PDZRN3: variants seen among roughly 807,000 people sequenced by gnomAD.
The protein encoded by PDZRN3 is PDZ domain containing ring finger 3.
A neutral mutation model predicts 85.7 loss-of-function variants in PDZRN3; 38 were observed. That is an observed-to-expected ratio of 0.44 (90% CI 0.34 to 0.58). PDZRN3 has a LOEUF of 0.58. Among genes scored for constraint, PDZRN3 ranks in the 20% least tolerant of loss-of-function variants. PDZRN3 has a pLI of 0.01. For synonymous variants in PDZRN3, 759 were observed against 638.0 expected, an observed-to-expected ratio of 1.19 and a Z score of -2.86; for missense variants, 1,629 against 1,506.4, an observed-to-expected ratio of 1.08 and a Z score of -1.35.
intron 3 of PDZRN3, among the ~76,000 whole-genome samples, chr3:73,486,434 T>C (rs898211554): frequency 2.6e-5 from 4 of 152,050 alleles, no homozygotes; most frequent in African/African-American, 9.7e-5. Flanking sequence ...TTATGATTCT[T>C]AAAAGCCTGA....
intron 3 of PDZRN3, among the ~76,000 whole-genome samples, chr3:73,465,287 T>C (rs1559693955): frequency 6.6e-6 from 1 of 152,354 alleles, no homozygotes; most frequent in East Asian, 1.9e-4. Flanking sequence ...GTTTTAGTTT[T>C]TGCATTTTGA....
intron 3 of PDZRN3, among the ~76,000 whole-genome samples, chr3:73,428,373 A>C (rs147859448): frequency 2.2e-4 from 34 of 152,288 alleles, no homozygotes; most frequent in African/African-American, 7.7e-4. Context: ...TTCTCTTTCT[A>C]AATTCCTGAT....
At chr3:73,389,549 G>A (rs1470822347) in intron 7 of PDZRN3, among the ~76,000 whole-genome samples, 1 of 152,028 alleles carries the variant, frequency 6.6e-6, no homozygotes, top group Non-Finnish European at 1.5e-5. Context: ...AACAAAATAA[G>A]GAGAACTGGC....
chr3:73,411,812 C>T (rs577496166), intron 3 of PDZRN3, among the ~76,000 whole-genome samples: 10 of 152,290 alleles, frequency 6.6e-5, no homozygotes, highest in African/African-American at 1.2e-4. Flanking sequence ...TATGAGTGTC[C>T]GGAATACTTC....
chr3:73,577,136 T>G (rs954574936), intron 3 of PDZRN3, among the ~76,000 whole-genome samples: 3 of 152,202 alleles, frequency 2.0e-5, no homozygotes, highest in Non-Finnish European at 4.4e-5. Context: ...GCAAAGAGGG[T>G]TTTTCCCAGC....
intron 3 of PDZRN3, among the ~76,000 whole-genome samples, chr3:73,473,738 C>T (rs189802579): frequency 2.6e-5 from 4 of 152,288 alleles, no homozygotes; most frequent in East Asian, 3.9e-4. Context: ...AGCAGACCCA[C>T]GTGGTGAGGA....
intron 3 of PDZRN3, among the ~76,000 whole-genome samples, chr3:73,574,739 T>A (rs1194632101): frequency 6.6e-6 from 1 of 152,236 alleles, no homozygotes; most frequent in Non-Finnish European, 1.5e-5. Flanking sequence ...CAAGCACTTT[T>A]AATACAGCAA....
intron 3 of PDZRN3, among the ~76,000 whole-genome samples, chr3:73,559,903 T>C (rs1041010985): frequency 2.4e-4 from 36 of 152,216 alleles, no homozygotes; most frequent in African/African-American, 8.4e-4. Context: ...GAGTCAATAT[T>C]TACATTCCCA....
At chr3:73,603,458 C>A (rs1024578905) in intron 2 of PDZRN3, among the ~76,000 whole-genome samples, 2 of 152,096 alleles carry the variant, frequency 1.3e-5, no homozygotes, top group Non-Finnish European at 2.9e-5. Flanking sequence ...TCCAAGTGTA[C>A]GGATTAAATT....
At chr3:73,531,792 T>C (rs927574864) in intron 3 of PDZRN3, among the ~76,000 whole-genome samples, 2 of 152,180 alleles carry the variant, frequency 1.3e-5, no homozygotes, top group African/African-American at 4.8e-5. Context: ...GTGTCATCAA[T>C]ACTTTAGCTG....
intron 1 of PDZRN3, among the ~76,000 whole-genome samples, chr3:73,617,437 A>T (rs1242704117): frequency 6.6e-6 from 1 of 152,222 alleles, no homozygotes; most frequent in Non-Finnish European, 1.5e-5. Context: ...TGGGTGAGCA[A>T]AGAATAGTAA....
At chr3:73,388,582 C>CTTGA (rs1325597066) in intron 7 of PDZRN3, among the ~76,000 whole-genome samples, 1 of 152,148 alleles carries the variant, frequency 6.6e-6, no homozygotes, top group African/African-American at 2.4e-5. Flanking sequence ...CACTATCACA[C>CTTGA]TTGATTAACC....
At chr3:73,618,600 C>A (rs973264270) in intron 1 of PDZRN3, among the ~76,000 whole-genome samples, 1 of 148,564 alleles carries the variant, frequency 6.7e-6, no homozygotes, top group African/African-American at 2.5e-5. Flanking sequence ...ATTTTCTTTT[C>A]TTTTAAGCTC....
At chr3:73,442,550 C>A (rs1247012404) in intron 3 of PDZRN3, among the ~76,000 whole-genome samples, 1 of 152,128 alleles carries the variant, frequency 6.6e-6, no homozygotes, top group Non-Finnish European at 1.5e-5. Flanking sequence ...CTAGGTGTTA[C>A]AAATCCTCGA....
chr3:73,603,588 T>C (rs1702547915), intron 2 of PDZRN3, among the ~76,000 whole-genome samples: 1 of 152,338 alleles, frequency 6.6e-6, no homozygotes, highest in East Asian at 1.9e-4. Flanking sequence ...CTAGTCATGG[T>C]AAATTCCTTG....
chr3:73,529,109 G>A (rs1429674392), intron 3 of PDZRN3, among the ~76,000 whole-genome samples: 1 of 151,942 alleles, frequency 6.6e-6, no homozygotes, highest in East Asian at 1.9e-4. Flanking sequence ...TTGGAACCGG[G>A]GTCCATGTGG....
chr3:73,471,394 T>C (rs760217829), intron 3 of PDZRN3, among the ~76,000 whole-genome samples: 2 of 152,226 alleles, frequency 1.3e-5, no homozygotes, highest in Non-Finnish European at 2.9e-5. Flanking sequence ...TTTCTCTTTT[T>C]TTCAGCCACC....
At chr3:73,573,893 T>C (rs1702081005) in intron 3 of PDZRN3, among the ~76,000 whole-genome samples, 2 of 152,164 alleles carry the variant, frequency 1.3e-5, no homozygotes, top group Admixed American at 6.5e-5. Context: ...ACCCATATTG[T>C]ACCACTTTAA....
In PDZRN3 at chr3:73,384,591, C is replaced by T. The variant is rs752251725; in HGVS notation, c.1975G>A (p.Ala659Thr). 1.7e-5 allele frequency: 28 copies of T among 1,613,620 alleles called. No individual in the cohort carries two copies. The Admixed American group carries it at 4.0e-4, about 23-fold the overall frequency. ...LLELKCQVKS[A>T]TPYGLYYPSG... Reference sequence around the variant, plus strand: ...GGGTAGTACAGGCCGTAAGGGGTGGCGCTCTTCACCTGGCACTTGAGCTCC... The same window carrying T: ...GGGTAGTACAGGCCGTAAGGGGTGGTGCTCTTCACCTGGCACTTGAGCTCC... The change falls in exon 10 of 10, where the codon GCC becomes ACC. Residue 659 changes from alanine to threonine, a missense_variant. Ala to Thr is a moderately conservative substitution (Grantham distance 58, BLOSUM62 0). Coordinates refer to ENST00000263666, the MANE Select transcript of PDZRN3 (RefSeq NM_015009.3).
Sources: allele counts gnomAD v4.1 joint callset (sites outside exome capture counted in the v4.1 genomes callset), GRCh38; gene constraint gnomAD v4.1.1; transcripts MANE v1.5; gene names NCBI Gene and HGNC (gene_info 2026-07-23, HGNC 2026-07-21).